GNAS-AS1: variants seen among roughly 807,000 people sequenced by gnomAD.
The protein encoded by GNAS-AS1 is GNAS antisense RNA 1.
intron 4 of GNAS-AS1, among the ~76,000 whole-genome samples, chr20:58,830,051 C>A (rs2085543940): frequency 6.6e-6 from 1 of 152,068 alleles, no homozygotes. Context: ...ACTCGACTGC[C>A]AACTCCAACT....
intron 3 of GNAS-AS1, chr20:58,842,338 G>C: frequency 2.5e-6 from 1 of 397,894 alleles, no homozygotes; most frequent in East Asian, 3.6e-5. Flanking sequence ...GGATGACAAC[G>C]ATTTGGAGGA....
At chr20:58,822,881 C>T (rs1018167507) in intron 4 of GNAS-AS1, among the ~76,000 whole-genome samples, 6 of 152,148 alleles carry the variant, frequency 3.9e-5, no homozygotes, top group Admixed American at 3.3e-4. Flanking sequence ...CTGCTCCCTA[C>T]GTGTTCCCGA....
intron 4 of GNAS-AS1, among the ~76,000 whole-genome samples, chr20:58,835,374 C>T (rs1195678182): frequency 6.6e-6 from 1 of 152,166 alleles, no homozygotes; most frequent in Non-Finnish European, 1.5e-5. Flanking sequence ...CAATAGCCTG[C>T]AAGCCTTCTG....
At chr20:58,822,978 G>A (rs755805781) in intron 4 of GNAS-AS1, among the ~76,000 whole-genome samples, 12 of 152,040 alleles carry the variant, frequency 7.9e-5, no homozygotes, top group Non-Finnish European at 1.2e-4. Flanking sequence ...CAGCACCTGC[G>A]CTCTTGCCTG....
intron 4 of GNAS-AS1, among the ~76,000 whole-genome samples, chr20:58,831,620 G>GA (rs1372194240): frequency 1.3e-5 from 2 of 151,976 alleles, no homozygotes; most frequent in African/African-American, 4.8e-5. Flanking sequence ...GATAGAGCGA[G>GA]ACTCTGTCTC....
At chr20:58,845,891 T>A (rs1411015178) in intron 2 of GNAS-AS1, among the ~76,000 whole-genome samples, 1 of 151,974 alleles carries the variant, frequency 6.6e-6, no homozygotes, top group Non-Finnish European at 1.5e-5. Context: ...TATTCCCGGG[T>A]AGAAATGGGG....
At chr20:58,826,176 T>C (rs1035233230) in intron 4 of GNAS-AS1, 11 of 398,468 alleles carry the variant, frequency 2.8e-5, no homozygotes, top group Admixed American at 2.2e-4. Flanking sequence ...TTACTTCTCT[T>C]TTAAAAGTGC....
At chr20:58,819,075 C>G (rs2085468311) in exon 5 of GNAS-AS1, 1 of 398,562 alleles carries the variant, frequency 2.5e-6, no homozygotes, top group South Asian at 1.3e-4. Flanking sequence ...CCTCAAGGAT[C>G]TTGCTCACCA....
chr20:58,850,666 G>A, exon 1 of GNAS-AS1: 1 of 399,182 alleles, frequency 2.5e-6, no homozygotes. Flanking sequence ...TCCTCACCTT[G>A]CCCGGCAGTG....
At position 58,841,116 on chromosome 20, in the gene GNAS-AS1, G is replaced by A. The variant is rs1032410869; in HGVS notation, n.819+821C>T. Among the ~76,000 whole-genome samples the A allele has an allele frequency of 1.2e-4, 19 of 152,214 alleles. No homozygotes were observed. Among genetic ancestry groups the A allele is most frequent in the African/African-American group, 4.1e-4 (17 of 41,568 alleles). On this transcript the variant is annotated intron_variant and non_coding_transcript_variant, in intron 4 of 4. Coordinates refer to ENST00000424094, the Ensembl canonical transcript of GNAS-AS1. This position sits in a 1 kb window ranked among gnomAD's most constrained non-coding sequence, Gnocchi z 5.0. ...CTTGTTGGACGGCGGGGCGCACGCC[G>A]TGCGTCCCGCTGGAGACAACCTGAG...
intron 4 of GNAS-AS1, among the ~76,000 whole-genome samples, chr20:58,824,434 G>A (rs1043375935): frequency 1.3e-4 from 20 of 152,196 alleles, no homozygotes; most frequent in Non-Finnish European, 5.9e-5. Context: ...GGTGAGCAAA[G>A]TCCCACCATG....
chr20:58,844,982 C>G (rs1319889929), intron 2 of GNAS-AS1, among the ~76,000 whole-genome samples: 1 of 152,144 alleles, frequency 6.6e-6, no homozygotes. Context: ...GTGTCCTTTC[C>G]CTAAACTGGA....
Position 58,845,406 on chromosome 20 carries a change from A to T in GNAS-AS1, n.414-2861T>A, listed in dbSNP as rs76533362. ...CCCATGACATTTTAATACCATGGAC[A>T]TACAGCTAGACCCCACTGTCTGTTT... On this transcript the variant is annotated intron_variant and non_coding_transcript_variant, in intron 2 of 4. Coordinates refer to ENST00000424094, the Ensembl canonical transcript of GNAS-AS1. Among the ~76,000 whole-genome samples, 627 of 152,264 alleles carry T rather than the reference A, an allele frequency of 4.1e-3. 10 individuals are homozygous for T. The East Asian group carries it at 0.057, about 14-fold the overall frequency.
At chr20:58,842,419 T>C (rs552587316) in intron 3 of GNAS-AS1, 1 of 398,602 alleles carries the variant, frequency 2.5e-6, no homozygotes, top group East Asian at 3.6e-5. Context: ...AGGATGATGA[T>C]AGAAGGAAAA....
At chr20:58,847,783 C>T (rs1265065172) in intron 2 of GNAS-AS1, among the ~76,000 whole-genome samples, 1 of 152,200 alleles carries the variant, frequency 6.6e-6, no homozygotes, top group Non-Finnish European at 1.5e-5. Flanking sequence ...TTTGCCTTCT[C>T]TTTGTTGGCT....
Position 58,841,844 on chromosome 20 carries a change from T to G in GNAS-AS1, n.819+93A>C. 8.1e-7 allele frequency: 1 copy of G among 1,230,992 alleles called. No homozygotes were observed. The highest frequency in any genetic ancestry group is 1.0e-6 in the Non-Finnish European group (1 of 987,966). The allele number at this position is 1,230,992 out of a possible 1,614,324, so 76.3% of individuals were successfully genotyped here. On this transcript the variant is annotated intron_variant and non_coding_transcript_variant, in intron 4 of 4. Coordinates refer to ENST00000424094, the Ensembl canonical transcript of GNAS-AS1. This position sits in a 1 kb window ranked among gnomAD's most constrained non-coding sequence, Gnocchi z 5.0. ...TCCTGGGCTGTTTGCGCAGGACCTC[T>G]GGAGGCCCTCGAGATCGTCGCAAGT... is the stretch of plus-strand genomic sequence containing the variant.
intron 4 of GNAS-AS1, among the ~76,000 whole-genome samples, chr20:58,830,464 CCACACCACCATCAT>C (rs2085555068): frequency 1.5e-5 from 2 of 133,870 alleles, no homozygotes; most frequent in African/African-American, 2.8e-5. Flanking sequence ...ATCACCACCA[CCACACCACCATCAT>C]CACCATCACC....
intron 4 of GNAS-AS1, chr20:58,826,894 G>GTTTTTTTTT (rs2085525118): frequency 1.2e-5 from 1 of 81,792 alleles, no homozygotes; most frequent in African/African-American, 5.3e-5. Context: ...TGTATTTTTA[G>GTTTTTTTTT]TAGAGATGGT....
chr20:58,846,428 CCT>C (rs1425907447), intron 2 of GNAS-AS1, among the ~76,000 whole-genome samples: 1 of 152,172 alleles, frequency 6.6e-6, no homozygotes, highest in African/African-American at 2.4e-5. Flanking sequence ...TCACTGTCCC[CCT>C]GAGAGTTTCG....
Sources: gnomAD v4.1 joint callset for allele counts (sites outside exome capture counted in the v4.1 genomes callset) on GRCh38, gnomAD v4.1.1 for gene constraint, Gnocchi (gnomAD v3.1) non-coding constraint, MANE v1.5 for transcripts, NCBI Gene and HGNC (gene_info 2026-07-23, HGNC 2026-07-21) for gene names.